The following SLC9A9 variants were observed in gnomAD, a reference collection of about 807,000 sequenced individuals.
SLC9A9 encodes sodium/hydrogen exchanger 9.
In SLC9A9, 62 loss-of-function variants were observed where a neutral mutation model predicts 77.8. The observed-to-expected ratio is 0.80, with a 90% CI of 0.65 to 0.98. The LOEUF is 0.98. Among genes scored for constraint, SLC9A9 ranks in the 50% least tolerant of loss-of-function variants. The pLI, the probability that SLC9A9 is intolerant of heterozygous loss-of-function variation, is 0.00. For missense variants in SLC9A9, 775 were observed against 774.9 expected (o/e 1.00, Z 0.00); for synonymous variants, 320 against 283.5 (o/e 1.13, Z -1.29).
At chr3:143,600,200 C>T (rs922886629) in intron 6 of SLC9A9, among the ~76,000 whole-genome samples, 4 of 152,156 alleles carry the variant, frequency 2.6e-5, no homozygotes, top group Admixed American at 2.0e-4. Flanking sequence ...CCTCAACAGG[C>T]CCCGGTGTGT....
At chr3:143,523,903 A>C (rs1189418386) in intron 9 of SLC9A9, among the ~76,000 whole-genome samples, 2 of 152,320 alleles carry the variant, frequency 1.3e-5, no homozygotes, top group East Asian at 1.9e-4. Context: ...ATATAAAACG[A>C]AGAAAGATTT....
intron 9 of SLC9A9, among the ~76,000 whole-genome samples, chr3:143,505,017 C>T (rs1443060881): frequency 1.3e-5 from 2 of 151,980 alleles, no homozygotes; most frequent in African/African-American, 2.4e-5. Context: ...GTTTGATCAT[C>T]GGAACAAGTC....
chr3:143,413,087 A>T (rs529409480), intron 12 of SLC9A9, among the ~76,000 whole-genome samples: 60 of 152,282 alleles, frequency 3.9e-4, no homozygotes, highest in Middle Eastern at 3.4e-3. Context: ...CTCCCACCTC[A>T]TGGTGATGTT....
intron 11 of SLC9A9, among the ~76,000 whole-genome samples, chr3:143,480,451 G>A (rs112673490): frequency 7.2e-4 from 109 of 152,328 alleles, no homozygotes; most frequent in African/African-American, 2.5e-3. Flanking sequence ...TGTCTGCTTC[G>A]TCACAGCAAT....
At chr3:143,721,852 C>G (rs972310370) in intron 4 of SLC9A9, among the ~76,000 whole-genome samples, 1 of 152,170 alleles carries the variant, frequency 6.6e-6, no homozygotes, top group Non-Finnish European at 1.5e-5. Flanking sequence ...CTTTAATACA[C>G]TTGTAGTCCA....
intron 12 of SLC9A9, among the ~76,000 whole-genome samples, chr3:143,440,431 TGG>T (rs1368271329): frequency 9.9e-5 from 15 of 152,282 alleles, no homozygotes; most frequent in Non-Finnish European, 2.9e-5. Flanking sequence ...AAGACTAACG[TGG>T]TTCAAGGAGT....
At chr3:143,717,779 T>C (rs1279420629) in intron 4 of SLC9A9, among the ~76,000 whole-genome samples, 1 of 152,220 alleles carries the variant, frequency 6.6e-6, no homozygotes, top group Non-Finnish European at 1.5e-5. Flanking sequence ...AAAGTCTTTT[T>C]AGTAGTCAAT....
chr3:143,501,271 C>A (rs1460834441), intron 9 of SLC9A9, among the ~76,000 whole-genome samples: 1 of 150,556 alleles, frequency 6.6e-6, no homozygotes, highest in Non-Finnish European at 1.5e-5. Context: ...TATCTAAGAT[C>A]TATTGTTAAA....
chr3:143,410,185 C>T (rs568087748), intron 12 of SLC9A9, among the ~76,000 whole-genome samples: 60 of 152,324 alleles, frequency 3.9e-4, no homozygotes, highest in Non-Finnish European at 6.5e-4. Context: ...TCAGGGCCCA[C>T]ACTGGACTTC....
rs762785258 is a variant in SLC9A9 at position 143,832,050 on chromosome 3, T to C, written c.347A>G (p.Asn116Ser). ...YKREISQHNI[N>S]PHQGNAILEK... ...AAGTATAGCATTTCCTTGATGAGGA[T>C]TGATGTTGTGCTGACTTATTTCTCT... Residue 116 changes from asparagine to serine, a missense_variant, in exon 2 of 16, where the codon AAT becomes AGT. Physicochemically the swap from Asn to Ser is conservative, Grantham distance 46. Transcript: ENST00000316549. 3.7e-6 allele frequency: 6 copies of C among 1,612,710 alleles called. No individual in the cohort carries two copies. Among genetic ancestry groups the C allele is most frequent in the East Asian group, 4.5e-5 (2 of 44,792 alleles).
intron 12 of SLC9A9, among the ~76,000 whole-genome samples, chr3:143,462,121 C>T (rs946598905): frequency 1.3e-5 from 2 of 152,072 alleles, no homozygotes; most frequent in Non-Finnish European, 2.9e-5. Flanking sequence ...AATGCCAGCA[C>T]TTCGGAAGTT....
rs190041567 is a variant in SLC9A9, at chr3:143,534,259, T to C, written c.1089+18103A>G. ...TGAAATTTGAAAATAAATTCTAAAA[T>C]GATTTTAAATAATGTGTAACTTCTA... On this transcript the variant is annotated intron_variant, in intron 9 of 15. Coordinates refer to ENST00000316549, the MANE Select transcript of SLC9A9 (RefSeq NM_173653.4). 7.2e-3 allele frequency among the ~76,000 whole-genome samples: 1,097 copies of C among 152,334 alleles called. 2 individuals are homozygous for C. Among genetic ancestry groups the C allele is most frequent in the Non-Finnish European group, 0.012 (837 of 68,030 alleles).
At chr3:143,719,937 C>A (rs1015702436) in intron 4 of SLC9A9, among the ~76,000 whole-genome samples, 1 of 152,070 alleles carries the variant, frequency 6.6e-6, no homozygotes, top group East Asian at 1.9e-4. Context: ...ACTGCTCCCA[C>A]GATTGCTCCC....
At chr3:143,714,822 G>A (rs974992730) in intron 4 of SLC9A9, among the ~76,000 whole-genome samples, 1 of 152,194 alleles carries the variant, frequency 6.6e-6, no homozygotes, top group African/African-American at 2.4e-5. Flanking sequence ...GAAGAGTCAG[G>A]TTGGGGTATG....
intron 6 of SLC9A9, chr3:143,627,396 A>T (rs1055504202): frequency 4.5e-6 from 1 of 219,944 alleles, no homozygotes; most frequent in Admixed American, 4.3e-5. Context: ...GAAAAAGAAC[A>T]TAGAGACTCT....
At chr3:143,794,854 A>C in intron 4 of SLC9A9, 147 bp downstream of exon 4, 3 of 742,934 alleles carry the variant, frequency 4.0e-6, no homozygotes, top group Non-Finnish European at 7.0e-6. Context: ...GAAGCCGTGG[A>C]ATTAAGTCAG....
At chr3:143,678,364 G>C (rs1424274551) in intron 5 of SLC9A9, among the ~76,000 whole-genome samples, 1 of 151,972 alleles carries the variant, frequency 6.6e-6, no homozygotes, top group Non-Finnish European at 1.5e-5. Flanking sequence ...TTGTTAAGAA[G>C]AGTCTCTATA....
intron 14 of SLC9A9, among the ~76,000 whole-genome samples, chr3:143,307,014 G>A (rs145397918): frequency 1.3e-5 from 2 of 152,202 alleles, no homozygotes; most frequent in Admixed American, 6.5e-5. Flanking sequence ...CTCTCTGTCC[G>A]AGACACATTG....
intron 15 of SLC9A9, among the ~76,000 whole-genome samples, 156 bp from the exon 16 acceptor site, chr3:143,267,085 C>T (rs549356916): frequency 3.5e-4 from 53 of 152,032 alleles, no homozygotes; most frequent in Middle Eastern, 3.4e-3. Flanking sequence ...AGGCATGGTA[C>T]AGCCTTTCCC....
Sources: gnomAD v4.1 joint callset for allele counts (sites outside exome capture counted in the v4.1 genomes callset) on GRCh38, gnomAD v4.1.1 for gene constraint, MANE v1.5 for transcripts, NCBI Gene and HGNC (gene_info 2026-07-23, HGNC 2026-07-21) for gene names.